The following CADPS variants were observed in gnomAD, a reference collection of about 807,000 sequenced individuals.
CADPS encodes calcium-dependent secretion activator 1.
CADPS carries 57 observed loss-of-function variants against 167.3 expected under a neutral mutation model. The observed-to-expected ratio is 0.34, with a 90% confidence interval of 0.28 to 0.42. The LOEUF is 0.42. CADPS is among the 20% of genes least tolerant of loss of function. CADPS has a pLI of 1.00. For synonymous variants in CADPS, 676 were observed against 635.3 expected (o/e 1.06, Z -0.96); for missense variants, 1,414 against 1,738.1 (o/e 0.81, Z 3.32).
chr3:62,520,801 G>C (rs192404951), intron 13 of CADPS, among the ~76,000 whole-genome samples: 24 of 152,300 alleles, frequency 1.6e-4, no homozygotes, highest in Admixed American at 1.6e-3. Flanking sequence ...AAGATCATAG[G>C]TTGTAACCAG....
chr3:62,651,092 A>G lies in CADPS; in HGVS notation c.970-12T>C. 6.4e-7 allele frequency: 1 copy of G among 1,574,590 alleles called. No homozygotes were observed. The highest frequency in any genetic ancestry group is 8.7e-7 in the Non-Finnish European group (1 of 1,144,708). On this transcript the variant is annotated splice_polypyrimidine_tract_variant and intron_variant, in intron 4 of 29. Coordinates refer to ENST00000383710, the MANE Select transcript of CADPS (RefSeq NM_003716.4). ...GGAAATTTGCGTTCCTTGGGAAGAA[A>G]AAGAAAAGTATGAGCAGAGGAGAAA...
intron 3 of CADPS, among the ~76,000 whole-genome samples, chr3:62,722,280 G>A (rs910640003): frequency 6.6e-6 from 1 of 152,240 alleles, no homozygotes; most frequent in Non-Finnish European, 1.5e-5. Context: ...CCGACTTGGT[G>A]AGGCAAAGGC....
rs1512020 is a variant in CADPS, at chr3:62,561,948, G to A, written c.1645-4435C>T. 1.6e-3 allele frequency among the ~76,000 whole-genome samples: 239 copies of A among 152,280 alleles called. 1 individual carries two copies. In the South Asian group the frequency reaches 0.017, roughly 11 times the overall value. On this transcript the variant is annotated intron_variant, in intron 9 of 29. Transcript: ENST00000383710. ...ATACATTCATTCTTTCAACAAATAC[G>A]TAGGTAGTGTGTTTGGTTCGAGGAC...
At chr3:62,545,275 A>AT (rs979500694) in intron 11 of CADPS, among the ~76,000 whole-genome samples, 1 of 152,034 alleles carries the variant, frequency 6.6e-6, no homozygotes, top group African/African-American at 2.4e-5. Context: ...TGAGGTACTA[A>AT]TTTTTACTGT....
intron 17 of CADPS, among the ~76,000 whole-genome samples, chr3:62,510,547 C>CT (rs1039809287): frequency 1.1e-4 from 16 of 152,146 alleles, no homozygotes; most frequent in African/African-American, 3.9e-4. Context: ...GCTTTTGCAT[C>CT]TTTTTTTGGA....
intron 17 of CADPS, among the ~76,000 whole-genome samples, chr3:62,508,416 G>T (rs1042555501): frequency 4.3e-4 from 66 of 152,134 alleles, no homozygotes; most frequent in African/African-American, 1.5e-3. Context: ...GTTGAAAATG[G>T]GGACTTTGGA....
At chr3:62,791,527 A>G (rs1430277019) in intron 1 of CADPS, among the ~76,000 whole-genome samples, 1 of 152,158 alleles carries the variant, frequency 6.6e-6, no homozygotes, top group African/African-American at 2.4e-5. Flanking sequence ...TTTTAACAAG[A>G]TCTCCAGGTT....
chr3:62,649,516 T>C (rs2069461337), intron 5 of CADPS, among the ~76,000 whole-genome samples: 1 of 147,308 alleles, frequency 6.8e-6, no homozygotes, highest in African/African-American at 2.5e-5. Flanking sequence ...GGACCTTTTA[T>C]ATCAAGGGAA....
intron 6 of CADPS, among the ~76,000 whole-genome samples, chr3:62,612,334 A>G (rs2061615914): frequency 1.3e-5 from 2 of 152,222 alleles, no homozygotes; most frequent in African/African-American, 4.8e-5. Context: ...CATACAAAGC[A>G]CTGAATAACT....
chr3:62,793,610 T>G (rs2093137941), intron 1 of CADPS, among the ~76,000 whole-genome samples: 3 of 152,200 alleles, frequency 2.0e-5, no homozygotes, highest in African/African-American at 7.2e-5. Flanking sequence ...AGAAAACCAG[T>G]TATCTCATAT....
chr3:62,480,415 T>C (rs1255366837), intron 22 of CADPS, among the ~76,000 whole-genome samples: 1 of 152,172 alleles, frequency 6.6e-6, no homozygotes, highest in African/African-American at 2.4e-5. Flanking sequence ...TTTTAGAAGC[T>C]TTTTTTCAGA....
At chr3:62,486,941 TCATCAGG>T (rs939654603) in intron 21 of CADPS, among the ~76,000 whole-genome samples, 1 of 152,228 alleles carries the variant, frequency 6.6e-6, no homozygotes, top group African/African-American at 2.4e-5. Flanking sequence ...AACATCTGGG[TCATCAGG>T]TCATTGACAT....
At chr3:62,561,153 G>T (rs1166526170) in intron 9 of CADPS, among the ~76,000 whole-genome samples, 2 of 151,806 alleles carry the variant, frequency 1.3e-5, no homozygotes, top group African/African-American at 4.8e-5. Context: ...GGGTGAGGGG[G>T]TGGATTAGGC....
intron 3 of CADPS, among the ~76,000 whole-genome samples, chr3:62,751,733 C>A (rs1575844757): frequency 6.6e-6 from 1 of 152,042 alleles, no homozygotes; most frequent in African/African-American, 2.4e-5. Context: ...TCTTGTAATT[C>A]TTTTTTGGCT....
chr3:62,809,212 C>T (rs1392557224), intron 1 of CADPS, among the ~76,000 whole-genome samples: 2 of 152,120 alleles, frequency 1.3e-5, no homozygotes, highest in African/African-American at 2.4e-5. Context: ...TGTTAGTGAT[C>T]TTTAAAAAAA....
intron 6 of CADPS, among the ~76,000 whole-genome samples, chr3:62,629,608 A>G (rs915126346): frequency 3.9e-5 from 6 of 152,028 alleles, no homozygotes; most frequent in African/African-American, 1.2e-4. Flanking sequence ...AACCACCACC[A>G]TGGCCATTCT....
At chr3:62,800,961 G>T (rs1398509022) in intron 1 of CADPS, among the ~76,000 whole-genome samples, 1 of 152,106 alleles carries the variant, frequency 6.6e-6, no homozygotes, top group Non-Finnish European at 1.5e-5. Flanking sequence ...ACAGAGCTTA[G>T]CTACATTTGT....
In CADPS at chr3:62,662,410, G is replaced by A. The variant is rs750266681; in HGVS notation, c.889-16C>T. The A allele has an allele frequency of 6.2e-7, 1 of 1,612,516 alleles. No individual in the cohort carries two copies. The highest frequency in any genetic ancestry group is 2.2e-5 in the East Asian group (1 of 44,806). On this transcript the variant is annotated splice_polypyrimidine_tract_variant and intron_variant, in intron 3 of 29. Transcript: ENST00000383710. ...GATTGTCCAGCTGCACAAAAGCACA[G>A]ACATTGAGACTTTTAGTTTGGGTCA...
rs945320896 is a variant in CADPS, at chr3:62,874,094, T to C, written c.441+495A>G. Among the ~76,000 whole-genome samples, 2 of 152,106 alleles carry C rather than the reference T, an allele frequency of 1.3e-5. No individual in the cohort carries two copies. The highest frequency in any genetic ancestry group is 2.4e-5 in the African/African-American group (1 of 41,436). On this transcript the variant is annotated intron_variant, in intron 1 of 29. Coordinates refer to ENST00000383710, the MANE Select transcript of CADPS (RefSeq NM_003716.4). This position sits in a 1 kb window ranked among gnomAD's most constrained non-coding sequence, Gnocchi z 7.1. ...CTCTCTGCCCCAGCGAGCGGAGCGC[T>C]GCTCCAAGACGCTCTTCTCCCTCCA...
Sources: allele counts gnomAD v4.1 joint callset (sites outside exome capture counted in the v4.1 genomes callset), GRCh38; gene constraint gnomAD v4.1.1; non-coding constraint Gnocchi (gnomAD v3.1); transcripts MANE v1.5; gene names NCBI Gene and HGNC (gene_info 2026-07-23, HGNC 2026-07-21).